ZNF385C: variants seen among roughly 807,000 people sequenced by gnomAD.
ZNF385C encodes the protein zinc finger protein 385C.
Under a neutral mutation model 35.4 loss-of-function variants are expected in ZNF385C, and 28 were observed. That is an observed-to-expected ratio of 0.79 (90% confidence interval 0.59 to 1.08). The LOEUF is 1.08. ZNF385C is among the 50% of genes least tolerant of loss of function. The pLI is 0.00. For missense variants in ZNF385C, 605 were observed against 595.6 expected (o/e 1.02, Z -0.16); for synonymous variants, 248 against 248.2 (o/e 1.00, Z 0.01).
intron 4 of ZNF385C, 113 bp from the exon 5 acceptor site, chr17:42,031,897 C>A (rs1381953537): frequency 1.6e-5 from 19 of 1,219,604 alleles, no homozygotes; most frequent in Admixed American, 1.4e-4. Flanking sequence ...TCAGGTCACA[C>A]AAAGGGCAAG....
At chr17:42,059,997 G>C (rs782404277) in intron 2 of ZNF385C, among the ~76,000 whole-genome samples, 30 of 152,162 alleles carry the variant, frequency 2.0e-4, no homozygotes, top group Middle Eastern at 3.2e-3. Flanking sequence ...GAAGGGAGGA[G>C]CTTTTACCAC....
At position 42,037,854 on chromosome 17, in the gene ZNF385C, C is replaced by T. The variant is rs1050496360; in HGVS notation, c.282G>A (p.Leu94=). 36 of 1,518,596 alleles carry T rather than the reference C, an allele frequency of 2.4e-5. No homozygotes were observed. Among genetic ancestry groups the T allele is most frequent in the Non-Finnish European group, 3.1e-5 (35 of 1,131,318 alleles). 94.1% of individuals were successfully genotyped at this position (1,518,596 alleles called of 1,614,324 possible). Residue 94 remains leucine, a synonymous_variant, in exon 3 of 9, where the codon CTG becomes CTA. Transcript: ENST00000692273. The part of the protein sequence containing the change: ...AGPASGAPSP[L]LASLPLPTRP... ...GGGTGGGCAGGGGCAGGGAGGCCAG[C>T]AGGGGGCTGGGGGCGCCGGAGGCCG...
Position 42,097,578 on chromosome 17 carries a change from T to C in ZNF385C, c.-3+832A>G, listed in dbSNP as rs112453284. On this transcript the variant is annotated intron_variant, in intron 1 of 8. Transcript: ENST00000692273. ...TATAATCCAGGGTCCTCTGCTCTAC[T>C]TCAACCCAGCACCAAGACCCAAAGG... 3.2e-3 allele frequency among the ~76,000 whole-genome samples: 489 copies of C among 152,202 alleles called. 4 individuals are homozygous for C. The highest frequency in any genetic ancestry group is 0.011 in the African/African-American group (475 of 41,514).
chr17:42,069,247 T>C (rs2053590237), intron 1 of ZNF385C, among the ~76,000 whole-genome samples: 1 of 147,244 alleles, frequency 6.8e-6, no homozygotes, highest in Admixed American at 6.8e-5. Flanking sequence ...TCTGCCTGTG[T>C]GTCCATCAAT....
intron 8 of ZNF385C, 138 bp from the exon 9 acceptor site, chr17:42,027,271 AC>A: frequency 1.4e-6 from 1 of 728,768 alleles, no homozygotes; most frequent in East Asian, 2.6e-5. Context: ...CTCCCTTCCC[AC>A]CCCCAAACAT....
intron 2 of ZNF385C, among the ~76,000 whole-genome samples, chr17:42,052,917 A>G (rs1409908392): frequency 6.6e-6 from 1 of 152,230 alleles, no homozygotes; most frequent in Non-Finnish European, 1.5e-5. Context: ...ACATGCCTGC[A>G]CACAACACAT....
chr17:42,039,544 G>T lies in ZNF385C; in HGVS notation c.251-1659C>A, dbSNP rs559922103. 3.9e-5 allele frequency: 17 copies of T among 437,210 alleles called. No individual in the cohort carries two copies. In the South Asian group the frequency reaches 5.2e-4, roughly 13 times the overall value. The allele number at this position is 437,210 out of a possible 1,614,324, so 27.1% of individuals were successfully genotyped here. ...CCCTTCCTCCACAGCCCACAGGGTGGGGGGGGTTGGTGGGAAGCTCCAGAA... is the reference window on the plus strand; with the variant it reads ...CCCTTCCTCCACAGCCCACAGGGTGTGGGGGGTTGGTGGGAAGCTCCAGAA... On this transcript the variant is annotated intron_variant, in intron 2 of 8. Coordinates refer to ENST00000692273, the MANE Select transcript of ZNF385C (RefSeq NM_001392013.1).
chr17:42,046,188 C>A (rs1305081472), intron 2 of ZNF385C, among the ~76,000 whole-genome samples: 1 of 152,156 alleles, frequency 6.6e-6, no homozygotes, highest in Non-Finnish European at 1.5e-5. Flanking sequence ...CTGTACATAT[C>A]TCTGCACTGA....
At chr17:42,094,926 G>A (rs2053902150) in intron 1 of ZNF385C, among the ~76,000 whole-genome samples, 1 of 152,190 alleles carries the variant, frequency 6.6e-6, no homozygotes, top group Non-Finnish European at 1.5e-5. Flanking sequence ...ACCAATAAGG[G>A]ACAGTGAGAG....
chr17:42,091,651 C>T (rs1555660571), intron 1 of ZNF385C, among the ~76,000 whole-genome samples: 2 of 152,186 alleles, frequency 1.3e-5, no homozygotes, highest in African/African-American at 4.8e-5. Context: ...CTGGCCTCTC[C>T]ACCCCCACAC....
intron 8 of ZNF385C, among the ~76,000 whole-genome samples, 166 bp from the exon 9 acceptor site, chr17:42,027,299 T>C (rs1271370950): frequency 1.3e-5 from 2 of 151,862 alleles, no homozygotes; most frequent in Non-Finnish European, 2.9e-5. Flanking sequence ...CGAAGGGCTT[T>C]CTCCACCACC....
At chr17:42,053,695 G>A (rs1324266610) in intron 2 of ZNF385C, among the ~76,000 whole-genome samples, 2 of 152,128 alleles carry the variant, frequency 1.3e-5, no homozygotes, top group African/African-American at 4.8e-5. Context: ...GAAAAGGGTT[G>A]AGAGTAACTG....
At chr17:42,027,197 G>A (rs2052603241) in intron 8 of ZNF385C, 64 bp from the exon 9 acceptor site, 20 of 1,471,576 alleles carry the variant, frequency 1.4e-5, no homozygotes, top group Non-Finnish European at 1.9e-5. Context: ...CCTCCCTGGG[G>A]CCCATCCTCA....
intron 2 of ZNF385C, among the ~76,000 whole-genome samples, chr17:42,058,608 A>C (rs1555657758): frequency 1.3e-5 from 2 of 152,182 alleles, no homozygotes; most frequent in South Asian, 4.1e-4. Flanking sequence ...GAGGGGCCCA[A>C]CGTGCTCCCC....
Position 42,095,913 on chromosome 17 carries a change from ATATT to A in ZNF385C, c.-3+2493_-3+2496del, listed in dbSNP as rs2053912618. 6.6e-6 allele frequency among the ~76,000 whole-genome samples: 1 copy of A among 152,192 alleles called. No homozygotes were observed. The highest frequency in any genetic ancestry group is 2.4e-5 in the African/African-American group (1 of 41,440). The stretch of plus-strand genomic sequence containing the variant: ...TGGCGGCCCACAGACATATGTCTAA[ATATT>A]TAAAAGTTATAAATCAAGCCAGCAA... On this transcript the variant is annotated intron_variant, in intron 1 of 8. Transcript: ENST00000692273. The surrounding 1 kb of genome is among the most constrained non-coding windows in gnomAD (Gnocchi z 4.4).
intron 4 of ZNF385C, among the ~76,000 whole-genome samples, chr17:42,032,838 G>A (rs1310764611): frequency 8.6e-5 from 13 of 151,352 alleles, no homozygotes; most frequent in African/African-American, 2.4e-4. Context: ...TCAGCCTCCC[G>A]AGTAGCTGGG....
At chr17:42,029,489 C>A (rs1434316105) in intron 5 of ZNF385C, among the ~76,000 whole-genome samples, 1 of 151,968 alleles carries the variant, frequency 6.6e-6, no homozygotes, top group African/African-American at 2.4e-5. Context: ...GAGGCCGAGG[C>A]AGGTGGATCA....
intron 1 of ZNF385C, among the ~76,000 whole-genome samples, chr17:42,067,928 C>T (rs1254427159): frequency 5.3e-5 from 8 of 152,174 alleles, no homozygotes; most frequent in Admixed American, 5.2e-4. Flanking sequence ...TTATGACAGG[C>T]GGGCCGGGGA....
intron 2 of ZNF385C, chr17:42,043,411 C>T: frequency 8.1e-7 from 1 of 1,231,454 alleles, no homozygotes; most frequent in Non-Finnish European, 1.0e-6. Flanking sequence ...CCAACCCCCA[C>T]CTGAATGCTC....
Sources: gnomAD v4.1 joint callset for allele counts (sites outside exome capture counted in the v4.1 genomes callset) on GRCh38, gnomAD v4.1.1 for gene constraint, Gnocchi (gnomAD v3.1) non-coding constraint, MANE v1.5 for transcripts, NCBI Gene and HGNC (gene_info 2026-07-23, HGNC 2026-07-21) for gene names.